KAZN: variants seen among roughly 807,000 people sequenced by gnomAD.
The protein encoded by KAZN is kazrin, periplakin interacting protein, also known as kazrin.
Under a neutral mutation model 87.4 loss-of-function variants are expected in KAZN, and 40 were observed. The observed-to-expected ratio is 0.46, with a 90% CI of 0.36 to 0.60. The LOEUF is 0.60. Among genes scored for constraint, KAZN ranks in the 20% least tolerant of loss-of-function variants. KAZN has a pLI of 0.00. For missense variants in KAZN, 898 were observed against 1,073.9 expected (o/e 0.84, Z 2.29); for synonymous variants, 466 against 458.3 (o/e 1.02, Z -0.22).
Position 14,637,946 on chromosome 1 carries a change from GA to G in KAZN, c.226+38724del, listed in dbSNP as rs1225905329. On this transcript the variant is annotated intron_variant, in intron 1 of 14. Transcript: ENST00000376030. ...TTGGCTCATTCTGGGAGGTCTGGGG[GA>G]GAGACTATCCCACACCTCTCTCCCC... Among the ~76,000 whole-genome samples the G allele has an allele frequency of 2.0e-5, 3 of 152,164 alleles. No homozygotes were observed. The East Asian group carries it at 5.8e-4, about 29-fold the overall frequency.
intron 1 of KAZN, among the ~76,000 whole-genome samples, chr1:14,156,628 T>C (rs939500163): frequency 1.3e-5 from 2 of 152,236 alleles, no homozygotes; most frequent in Non-Finnish European, 2.9e-5. Context: ...TCTTGAAATC[T>C]ATTTTGTCTG....
chr1:14,078,815 G>A (rs1423432913), intron 1 of KAZN, among the ~76,000 whole-genome samples: 1 of 152,184 alleles, frequency 6.6e-6, no homozygotes, highest in Non-Finnish European at 1.5e-5. Context: ...CTCCCTGGTA[G>A]CTGGGATTAC....
At chr1:14,755,134 T>C (rs1644525510) in intron 1 of KAZN, among the ~76,000 whole-genome samples, 2 of 148,676 alleles carry the variant, frequency 1.3e-5, no homozygotes, top group African/African-American at 5.0e-5. Context: ...GTGCCCACAG[T>C]TCCAGCTACT....
chr1:14,341,924 A>G (rs546613604), intron 2 of KAZN, among the ~76,000 whole-genome samples: 1 of 152,212 alleles, frequency 6.6e-6, no homozygotes, highest in South Asian at 2.1e-4. Flanking sequence ...TTATTTCATC[A>G]CCCAGGTATT....
At chr1:13,991,939 G>A (rs1639303389) in intron 1 of KAZN, among the ~76,000 whole-genome samples, 1 of 151,940 alleles carries the variant, frequency 6.6e-6, no homozygotes, top group South Asian at 2.1e-4. Context: ...CGTCTTTATC[G>A]TCTTCCTGGA....
At chr1:14,681,629 A>ATG (rs1640604906) in intron 1 of KAZN, among the ~76,000 whole-genome samples, 1 of 10,478 alleles carries the variant, frequency 9.5e-5, no homozygotes, top group African/African-American at 3.0e-4. Flanking sequence ...ATATATATAT[A>ATG]TATATATATA....
At chr1:14,069,386 T>A (rs1348409677) in intron 1 of KAZN, among the ~76,000 whole-genome samples, 2 of 151,794 alleles carry the variant, frequency 1.3e-5, no homozygotes, top group African/African-American at 2.4e-5. Context: ...GGGAGGAGAG[T>A]GAAGGCCTTG....
intron 1 of KAZN, among the ~76,000 whole-genome samples, chr1:14,162,124 C>A (rs1645722525): frequency 3.3e-5 from 5 of 152,188 alleles, no homozygotes. Context: ...ACCCTTTGAG[C>A]TCTTGGTTAC....
At chr1:14,907,600 G>A (rs938111601) in intron 1 of KAZN, among the ~76,000 whole-genome samples, 1 of 152,120 alleles carries the variant, frequency 6.6e-6, no homozygotes, top group Non-Finnish European at 1.5e-5. Context: ...GTACAAAGAC[G>A]AGGGCATGAT....
rs750585740 is a variant in KAZN, at chr1:14,184,228, C to G, written c.249+3636C>G. ...TTCTTTTTGCTTTTCTTTGTCTTCT[C>G]CCTCTGCCCTTTTTCTCCCCACCCG... On this transcript the variant is annotated intron_variant, in intron 2 of 16. Transcript: ENST00000636203. The surrounding 1 kb of genome is among the most constrained non-coding windows in gnomAD (Gnocchi z 4.2). 1.1e-4 allele frequency among the ~76,000 whole-genome samples: 16 copies of G among 151,966 alleles called. No homozygotes were observed. Among genetic ancestry groups the G allele is most frequent in the Admixed American group, 2.0e-4 (3 of 15,248 alleles).
intron 1 of KAZN, among the ~76,000 whole-genome samples, chr1:14,840,143 ATTC>A (rs1294905400): frequency 6.6e-6 from 1 of 151,940 alleles, no homozygotes; most frequent in South Asian, 2.1e-4. Flanking sequence ...ATCCCTTTTC[ATTC>A]TTAATAGAGT....
chr1:14,400,310 G>A (rs1663293375), intron 2 of KAZN, among the ~76,000 whole-genome samples: 1 of 152,170 alleles, frequency 6.6e-6, no homozygotes, highest in Non-Finnish European at 1.5e-5. Flanking sequence ...TGAATTTAAA[G>A]CTTTATGGCA....
intron 2 of KAZN, among the ~76,000 whole-genome samples, chr1:14,543,155 C>G (rs533807424): frequency 6.6e-6 from 1 of 152,286 alleles, no homozygotes; most frequent in East Asian, 1.9e-4. Context: ...TGACCTGTGT[C>G]ATAATGTACT....
At chr1:14,032,206 A>G (rs1432418476) in intron 1 of KAZN, among the ~76,000 whole-genome samples, 3 of 152,212 alleles carry the variant, frequency 2.0e-5, no homozygotes, top group Non-Finnish European at 4.4e-5. Context: ...AACAATAAGC[A>G]ACACTTGCTG....
chr1:14,036,739 T>G (rs1305253619), intron 1 of KAZN, among the ~76,000 whole-genome samples: 1 of 152,062 alleles, frequency 6.6e-6, no homozygotes, highest in Non-Finnish European at 1.5e-5. Flanking sequence ...TAGGGAGAAT[T>G]ACTGGTAATC....
chr1:13,907,815 C>T (rs1220672247), intron 1 of KAZN, among the ~76,000 whole-genome samples: 1 of 152,168 alleles, frequency 6.6e-6, no homozygotes, highest in Non-Finnish European at 1.5e-5. Flanking sequence ...TTGGGAGTAA[C>T]TTCTCCCACC....
intron 1 of KAZN, among the ~76,000 whole-genome samples, chr1:13,911,986 A>G (rs898384305): frequency 6.6e-6 from 1 of 152,080 alleles, no homozygotes; most frequent in Non-Finnish European, 1.5e-5. Context: ...TTTCCCCATT[A>G]CTATTGTTTT....
intron 2 of KAZN, among the ~76,000 whole-genome samples, chr1:14,357,350 C>G (rs7511783): frequency 0.086 from 13,110 of 152,234 alleles, 747 homozygotes; most frequent in South Asian, 0.2. Context: ...TCTAAATACA[C>G]AATCATGTCA....
intron 8 of KAZN, among the ~76,000 whole-genome samples, chr1:15,086,127 C>T (rs1037830662): frequency 3.1e-4 from 47 of 152,222 alleles, no homozygotes; most frequent in Admixed American, 2.7e-3. Flanking sequence ...CCCCCGACCA[C>T]GCCCGGCTAA....
Sources: gnomAD v4.1 joint callset for allele counts (sites outside exome capture counted in the v4.1 genomes callset) on GRCh38, gnomAD v4.1.1 for gene constraint, Gnocchi (gnomAD v3.1) non-coding constraint, MANE v1.5 for transcripts, NCBI Gene and HGNC (gene_info 2026-07-23, HGNC 2026-07-21) for gene names.